Variants in FRMD4A observed in about 807,000 individuals in gnomAD.
The protein encoded by FRMD4A is FERM domain containing 4A.
Under a neutral mutation model 129.1 loss-of-function variants are expected in FRMD4A, and 29 were observed. The observed-to-expected ratio is 0.22, with a 90% confidence interval of 0.17 to 0.31. The LOEUF (loss-of-function observed/expected upper bound fraction) is 0.31, where lower values mean the gene tolerates loss of function less well. FRMD4A is among the 10% of genes least tolerant of loss of function. The probability of loss-of-function intolerance (pLI) is 1.00; values close to 1 mark genes in which losing one functional copy is unlikely to be tolerated. For synonymous variants in FRMD4A, 634 were observed against 571.6 expected, an observed-to-expected ratio of 1.11 and a Z score of -1.56; for missense variants, 1,272 against 1,375.8, an observed-to-expected ratio of 0.92 and a Z score of 1.19.
At chr10:13,774,965 C>G (rs1484228207) in intron 6 of FRMD4A, among the ~76,000 whole-genome samples, 1 of 143,082 alleles carries the variant, frequency 7.0e-6, no homozygotes, top group African/African-American at 2.6e-5. Context: ...AAAAAAACAA[C>G]AAAAAACAAA....
intron 17 of FRMD4A, chr10:13,668,051 G>A (rs1589279054): frequency 6.6e-6 from 1 of 152,018 alleles, no homozygotes; most frequent in East Asian, 1.9e-4. Flanking sequence ...CCAAGCTGGA[G>A]GATGCCATCA....
At chr10:13,740,108 A>G in intron 11 of FRMD4A, 86 bp downstream of exon 11, 3 of 827,896 alleles carry the variant, frequency 3.6e-6, no homozygotes, top group Non-Finnish European at 6.2e-6. Context: ...CAAAAGAAAA[A>G]GAAAAAGAAG....
chr10:13,699,696 C>A (rs372133839), intron 14 of FRMD4A, among the ~76,000 whole-genome samples: 1 of 152,136 alleles, frequency 6.6e-6, no homozygotes, highest in Admixed American at 6.5e-5. Flanking sequence ...AATCCCCTAA[C>A]CCCCACCATC....
chr10:13,929,450 G>A (rs1434645899), intron 2 of FRMD4A, among the ~76,000 whole-genome samples: 1 of 152,194 alleles, frequency 6.6e-6, no homozygotes, highest in Non-Finnish European at 1.5e-5. Context: ...GCACCTTGAA[G>A]GTTTGCCATG....
At chr10:14,025,104 A>G (rs779481879) in intron 2 of FRMD4A, among the ~76,000 whole-genome samples, 5 of 152,080 alleles carry the variant, frequency 3.3e-5, no homozygotes, top group Admixed American at 6.5e-5. Context: ...AGGGTACTAA[A>G]TTTTTCCTCA....
At chr10:13,986,354 G>A (rs1302073447) in intron 2 of FRMD4A, among the ~76,000 whole-genome samples, 1 of 151,224 alleles carries the variant, frequency 6.6e-6, no homozygotes, top group Non-Finnish European at 1.5e-5. Context: ...GTAGGGACAT[G>A]GATGAAATTG....
intron 2 of FRMD4A, among the ~76,000 whole-genome samples, chr10:14,170,667 C>T (rs905016700): frequency 2.0e-5 from 3 of 152,160 alleles, no homozygotes; most frequent in Non-Finnish European, 4.4e-5. Flanking sequence ...TTACAACTAT[C>T]CTTTCTAGGG....
chr10:14,131,786 G>A (rs529428303), intron 2 of FRMD4A, among the ~76,000 whole-genome samples: 60 of 151,874 alleles, frequency 4.0e-4, no homozygotes, highest in South Asian at 4.2e-4. Context: ...CTCTCCTTCC[G>A]CTCCCGCTAG....
At chr10:13,738,486 G>A (rs2090782167) in intron 11 of FRMD4A, among the ~76,000 whole-genome samples, 1 of 152,320 alleles carries the variant, frequency 6.6e-6, no homozygotes, top group East Asian at 1.9e-4. Context: ...AGGCTGGAAG[G>A]TGTCACCCTG....
intron 4 of FRMD4A, among the ~76,000 whole-genome samples, chr10:13,798,317 T>C (rs1198739935): frequency 6.6e-6 from 1 of 150,840 alleles, no homozygotes. Flanking sequence ...GAGGCTGAGG[T>C]AGGAGAATCG....
intron 5 of FRMD4A, among the ~76,000 whole-genome samples, chr10:13,791,411 G>C (rs2092996822): frequency 6.6e-6 from 1 of 151,138 alleles, no homozygotes; most frequent in South Asian, 2.1e-4. Context: ...AGGTGTGTGT[G>C]TGTGTGTGGC....
At chr10:13,861,147 C>T (rs1457158130) in intron 2 of FRMD4A, among the ~76,000 whole-genome samples, 3 of 152,212 alleles carry the variant, frequency 2.0e-5, no homozygotes, top group Non-Finnish European at 2.9e-5. Context: ...TCGTGACCCT[C>T]TCCTCGACCC....
chr10:13,881,138 C>G (rs1343721124), intron 2 of FRMD4A, among the ~76,000 whole-genome samples: 1 of 151,626 alleles, frequency 6.6e-6, no homozygotes, highest in Non-Finnish European at 1.5e-5. Flanking sequence ...AAAAGGAGGG[C>G]TGGGTGTGGT....
intron 2 of FRMD4A, among the ~76,000 whole-genome samples, chr10:14,233,298 A>C (rs1843695816): frequency 6.6e-6 from 1 of 152,214 alleles, no homozygotes; most frequent in Admixed American, 6.5e-5. Context: ...GGCTAGGAGC[A>C]GTGGCTCACA....
intron 2 of FRMD4A, among the ~76,000 whole-genome samples, chr10:13,875,498 T>G (rs1380522061): frequency 6.6e-6 from 1 of 152,154 alleles, no homozygotes; most frequent in Admixed American, 6.5e-5. Flanking sequence ...ATGTCAAAGT[T>G]GGGGTCATAT....
intron 2 of FRMD4A, among the ~76,000 whole-genome samples, chr10:13,965,848 C>G (rs2095482229): frequency 6.6e-6 from 1 of 152,116 alleles, no homozygotes; most frequent in Admixed American, 6.6e-5. Context: ...AAGAAGAGAT[C>G]AAAGACCAGG....
At chr10:13,970,992 G>A (rs1331314692) in intron 2 of FRMD4A, among the ~76,000 whole-genome samples, 1 of 152,120 alleles carries the variant, frequency 6.6e-6, no homozygotes. Context: ...CTCAGTGTTG[G>A]TGCCTGAGGA....
At chr10:13,912,589 C>T (rs1366188401) in intron 2 of FRMD4A, among the ~76,000 whole-genome samples, 2 of 138,034 alleles carry the variant, frequency 1.4e-5, no homozygotes, top group African/African-American at 2.7e-5. Context: ...AGTGCAGTGG[C>T]GCGATCTCGG....
In FRMD4A at chr10:13,654,506, A is replaced by G. The variant is rs1332612126; in HGVS notation, c.2960T>C (p.Leu987Ser). Reference protein sequence around the residue: ...PQMCKATSAALPQSQRSSTPS... With the variant: ...PQMCKATSAASPQSQRSSTPS... ...TGTCGAGCTTCTCTGGCTTTGAGGT[A>G]AGGCAGCTACATGCAGGTGGTGCAA... The change falls in exon 23 of 25, where the codon TTA (leucine) becomes TCA (serine). Residue 987 changes from leucine (L) to serine (S), a missense_variant. Around this residue, in one of 2 missense-constraint regions of FRMD4A, gnomAD observed 972 missense variants for 892.3 expected, o/e 1.09. Coordinates refer to ENST00000357447, the MANE Select transcript of FRMD4A (RefSeq NM_018027.5). 6.2e-7 allele frequency: 1 copy of G among 1,611,316 alleles called. No individual in the cohort carries two copies. The highest frequency in any genetic ancestry group is 8.5e-7 in the Non-Finnish European group (1 of 1,177,564).
Sources: gnomAD v4.1 joint callset for allele counts (sites outside exome capture counted in the v4.1 genomes callset) on GRCh38, gnomAD v4.1.1 for gene constraint, gnomAD v4.1.1 regional missense constraint, MANE v1.5 for transcripts, NCBI Gene and HGNC (gene_info 2026-07-23, HGNC 2026-07-21) for gene names.